Variants in MYO1C observed in about 807,000 individuals in gnomAD.
MYO1C encodes the protein unconventional myosin-Ic.
A neutral mutation model predicts 150.8 loss-of-function variants in MYO1C; 104 were observed. The ratio of observed to expected loss-of-function variants is 0.69; its 90% CI spans 0.59 to 0.81. MYO1C has a LOEUF of 0.81. MYO1C is among the 30% of genes least tolerant of loss of function. The probability of loss-of-function intolerance (pLI) is 0.00; values close to 1 mark genes in which losing one functional copy is unlikely to be tolerated. For synonymous variants in MYO1C, 663 were observed against 579.9 expected (o/e 1.14, Z -2.06); for missense variants, 1,504 against 1,435.0 (o/e 1.05, Z -0.78).
At position 1,464,368 on chromosome 17, in the gene MYO1C, C is replaced by A. The variant is rs915623764; in HGVS notation, c.*1358G>T. The A allele has an allele frequency of 6.6e-6, 1 of 152,658 alleles. No individual in the cohort carries two copies. The highest frequency in any genetic ancestry group is 1.9e-4 in the East Asian group (1 of 5,196). The allele number at this position is 152,658 out of a possible 1,614,324, so 9.5% of individuals were successfully genotyped here. ...CGCTCCTCCCAAGGCCAGCCCCGTC[C>A]CCACGCTCCCATGCCAGGGAGGGGT... On this transcript the variant is annotated 3_prime_UTR_variant, in exon 32 of 32. Transcript: ENST00000648651.
At chr17:1,484,496 G>C (rs1170347996) in intron 1 of MYO1C, 193 bp from the exon 2 acceptor site, 33 of 661,106 alleles carry the variant, frequency 5.0e-5, no homozygotes, top group Non-Finnish European at 8.2e-5. Flanking sequence ...CGGAAAGCCG[G>C]GTGTGGAGGG....
In MYO1C at chr17:1,475,865, C is replaced by T. The variant is rs111661654; in HGVS notation, c.1575-833G>A. Among the ~76,000 whole-genome samples the T allele has an allele frequency of 2.2e-3, 332 of 152,222 alleles. 1 individual carries two copies. The highest frequency in any genetic ancestry group is 7.1e-3 in the African/African-American group (294 of 41,530). On this transcript the variant is annotated intron_variant, in intron 14 of 31. Coordinates refer to ENST00000648651, the MANE Select transcript of MYO1C (RefSeq NM_001080779.2). ...GAGGGGAGTATCTGTGGGTCAGAAC[C>T]GCTCCAGGAAGTGTTCTGAGGAAAA...
At chr17:1,471,513 G>A (rs1478403328) in intron 19 of MYO1C, among the ~76,000 whole-genome samples, 177 bp from the exon 20 acceptor site, 1 of 152,104 alleles carries the variant, frequency 6.6e-6, no homozygotes, top group Non-Finnish European at 1.5e-5. Context: ...ATCTACCTAA[G>A]GCCAAGTAAC....
chr17:1,469,558 C>T lies in MYO1C; in HGVS notation c.2583G>A (p.Arg861=). ...CIKNMVWKYC[R]SISPEWKQQL... ...GCTGCTTCCACTCAGGGCTGATACT[C>T]CGGCAGTATTTCCACACCATGTTCT... is the stretch of plus-strand genomic sequence containing the variant. Residue 861 remains arginine, a synonymous_variant, in exon 25 of 32, where the codon CGG becomes CGA. Transcript: ENST00000648651. 1 of 1,613,158 alleles carries T rather than the reference C, an allele frequency of 6.2e-7. No homozygotes were observed. Among genetic ancestry groups the T allele is most frequent in the Non-Finnish European group, 8.5e-7 (1 of 1,179,688 alleles).
chr17:1,483,074 C>A lies in MYO1C; in HGVS notation c.348-15G>T, dbSNP rs150047003. 3 of 1,583,436 alleles carry A rather than the reference C, an allele frequency of 1.9e-6. No homozygotes were observed. The highest frequency in any genetic ancestry group is 2.6e-6 in the Non-Finnish European group (3 of 1,165,630). On this transcript the variant is annotated splice_polypyrimidine_tract_variant and intron_variant, in intron 3 of 31. Coordinates refer to ENST00000648651, the MANE Select transcript of MYO1C (RefSeq NM_001080779.2). ...CCACGGCAAACCTGGGGCGGAGGCT[C>A]GTCAGGGAGTTTGGGGAGGGGGGCC... is the stretch of plus-strand genomic sequence containing the variant.
chr17:1,482,607 C>T (rs1392142320), intron 4 of MYO1C, 49 bp from the exon 5 acceptor site: 1 of 1,518,250 alleles, frequency 6.6e-7, no homozygotes, highest in Non-Finnish European at 9.1e-7. Flanking sequence ...TCCCCCTGCC[C>T]TCCCCACCCC....
Position 1,479,259 on chromosome 17 carries a change from C to T in MYO1C, c.1092+172G>A, listed in dbSNP as rs2074463527. On this transcript the variant is annotated intron_variant, in intron 9 of 31. Coordinates refer to ENST00000648651, the MANE Select transcript of MYO1C (RefSeq NM_001080779.2). The surrounding 1 kb of genome is among the most constrained non-coding windows in gnomAD (Gnocchi z 4.2). ...CTGCCCACCTCAGCCTCCCCAAGTG[C>T]TGGGGTTACAGGCGTGAGCCACGGC... Among the ~76,000 whole-genome samples, 1 of 152,198 alleles carries T rather than the reference C, an allele frequency of 6.6e-6. No individual in the cohort carries two copies. Among genetic ancestry groups the T allele is most frequent in the South Asian group, 2.1e-4 (1 of 4,830 alleles).
In MYO1C at chr17:1,478,748, C is replaced by T. The variant is rs933533629; in HGVS notation, c.1093-13G>A. The T allele has an allele frequency of 1.8e-5, 29 of 1,613,264 alleles. No homozygotes were observed. The highest frequency in any genetic ancestry group is 8.0e-5 in the African/African-American group (6 of 74,912). ...GCGGGCTCAGGAGCTGTGGACGCAG[C>T]GTGAGACAAGGAGATGAATGCCACA... On this transcript the variant is annotated splice_polypyrimidine_tract_variant and intron_variant, in intron 9 of 31. Coordinates refer to ENST00000648651, the MANE Select transcript of MYO1C (RefSeq NM_001080779.2). The surrounding 1 kb of genome is among the most constrained non-coding windows in gnomAD (Gnocchi z 6.3).
Position 1,478,541 on chromosome 17 carries a change from C to G in MYO1C, c.1213-49G>C, listed in dbSNP as rs780419110. The G allele has an allele frequency of 1.2e-6, 2 of 1,613,806 alleles. No individual in the cohort carries two copies. The highest frequency in any genetic ancestry group is 1.7e-6 in the Non-Finnish European group (2 of 1,179,932). ...GCGTGGGCCCCCTGCGCGTGCCAGC[C>G]CCACCCTGCAGCACCCCCCGCCTCG... On this transcript the variant is annotated intron_variant, in intron 10 of 31. Coordinates refer to ENST00000648651, the MANE Select transcript of MYO1C (RefSeq NM_001080779.2). The surrounding 1 kb of genome is among the most constrained non-coding windows in gnomAD (Gnocchi z 6.3).
At chr17:1,470,410 C>T in intron 23 of MYO1C, 25 bp downstream of exon 23, 1 of 1,549,876 alleles carries the variant, frequency 6.5e-7, no homozygotes, top group Non-Finnish European at 8.7e-7. Flanking sequence ...GCTCTGCAGC[C>T]CCCACAAGGC....
intron 17 of MYO1C, among the ~76,000 whole-genome samples, chr17:1,472,775 G>A (rs543671261): frequency 2.2e-4 from 33 of 150,232 alleles, no homozygotes; most frequent in Non-Finnish European, 4.0e-4. Flanking sequence ...TTCTGGAAAT[G>A]ACGCTCTGCT....
intron 24 of MYO1C, 124 bp from the exon 25 acceptor site, chr17:1,469,738 C>G (rs1325578297): frequency 2.2e-5 from 19 of 862,194 alleles, no homozygotes; most frequent in Non-Finnish European, 3.7e-6. Context: ...CGCTTCCGGT[C>G]AAGAGACCTT....
In MYO1C at chr17:1,464,610, G is replaced by C. The variant is rs555288657; in HGVS notation, c.*1116C>G. The stretch of plus-strand genomic sequence containing the variant: ...AGTGGCAGTGAGGCACGCTGAGGAA[G>C]GGCTGCCATCTTGGTTTTGTGGCAA... On this transcript the variant is annotated 3_prime_UTR_variant, in exon 32 of 32. Coordinates refer to ENST00000648651, the MANE Select transcript of MYO1C (RefSeq NM_001080779.2). 1 of 152,730 alleles carries C rather than the reference G, an allele frequency of 6.5e-6. No individual in the cohort carries two copies. The highest frequency in any genetic ancestry group is 1.9e-4 in the East Asian group (1 of 5,208). 9.5% of individuals were successfully genotyped at this position (152,730 alleles called of 1,614,324 possible).
intron 1 of MYO1C, 34 bp from the exon 2 acceptor site, chr17:1,484,337 T>C: frequency 6.2e-7 from 1 of 1,603,932 alleles, no homozygotes; most frequent in Non-Finnish European, 8.5e-7. Context: ...AGGGTCAGAG[T>C]CATCGGGGGC....
Position 1,470,451 on chromosome 17 carries a change from C to G in MYO1C, c.2350G>C (p.Ala784Pro), listed in dbSNP as rs2074277568. 6.4e-7 allele frequency: 1 copy of G among 1,550,512 alleles called. No individual in the cohort carries two copies. Among genetic ancestry groups the G allele is most frequent in the South Asian group, 1.2e-5 (1 of 84,086 alleles). ...GGCGCTCACCGCCGGATGGTCTGTG[C>G]CGCCCACTTCCTCTTGGCTGCCTTC... ...RRKAAKRKWAAQTIRRLIRGF... is the reference protein window; with the variant it reads ...RRKAAKRKWAPQTIRRLIRGF... Residue 784 changes from alanine to proline, a missense_variant, in exon 23 of 32, where the codon GCA becomes CCA. Transcript: ENST00000648651.
In MYO1C at chr17:1,478,694, T is replaced by C. The variant is rs1188859636; in HGVS notation, c.1134A>G (p.Arg378=). Residue 378 remains arginine, a synonymous_variant, in exon 10 of 32, where the codon CGA becomes CGG. Coordinates refer to ENST00000648651, the MANE Select transcript of MYO1C (RefSeq NM_001080779.2). The surrounding 1 kb of genome is among the most constrained non-coding windows in gnomAD (Gnocchi z 6.3). ...PLNLEQAAYA[R]DALAKAVYSR... ...TGTACACAGCCTTGGCGAGGGCGTCTCGTGCGTACGCGGCCTGCTCCAGGT... is the reference window on the plus strand; with the variant it reads ...TGTACACAGCCTTGGCGAGGGCGTCCCGTGCGTACGCGGCCTGCTCCAGGT... 1.2e-6 allele frequency: 2 copies of C among 1,614,052 alleles called. No homozygotes were observed. Among genetic ancestry groups the C allele is most frequent in the Non-Finnish European group, 1.7e-6 (2 of 1,180,056 alleles).
In MYO1C at chr17:1,479,745, C is replaced by A; in HGVS notation, c.907-40G>T. On this transcript the variant is annotated intron_variant, in intron 7 of 31. Coordinates refer to ENST00000648651, the MANE Select transcript of MYO1C (RefSeq NM_001080779.2). This position sits in a 1 kb window ranked among gnomAD's most constrained non-coding sequence, Gnocchi z 4.2. Reference sequence around the variant, plus strand: ...CGGGGGCAGGAGGGGGTGAGAGGGGCCAGAGAGCCCCAAGAGGGCAACTAG... The same window carrying A: ...CGGGGGCAGGAGGGGGTGAGAGGGGACAGAGAGCCCCAAGAGGGCAACTAG... 1 of 1,475,404 alleles carries A rather than the reference C, an allele frequency of 6.8e-7. No homozygotes were observed. 91.4% of individuals were successfully genotyped at this position (1,475,404 alleles called of 1,614,324 possible). A position where few individuals can be genotyped will look rare whatever the true frequency, so the allele number is the denominator to read the frequency against.
At chr17:1,491,507 G>C (rs1363561553) in intron 1 of MYO1C, 1 of 481,698 alleles carries the variant, frequency 2.1e-6, no homozygotes, top group Non-Finnish European at 2.6e-6. Flanking sequence ...CCCCGGCCGT[G>C]ACCCCTGCCT....
At chr17:1,491,567 C>T (rs1340450527) in intron 1 of MYO1C, 11 of 959,518 alleles carry the variant, frequency 1.1e-5, no homozygotes, top group Non-Finnish European at 1.4e-5. Flanking sequence ...ACCCGCCCCC[C>T]GCGGCCGCCG....
Sources: gnomAD v4.1 joint callset for allele counts (sites outside exome capture counted in the v4.1 genomes callset) on GRCh38, gnomAD v4.1.1 for gene constraint, Gnocchi (gnomAD v3.1) non-coding constraint, MANE v1.5 for transcripts, NCBI Gene and HGNC (gene_info 2026-07-23, HGNC 2026-07-21) for gene names.